Variants in SLC25A12 observed in about 807,000 individuals in gnomAD.
The protein encoded by SLC25A12 is electrogenic aspartate/glutamate antiporter SLC25A12, mitochondrial.
SLC25A12 carries 32 observed loss-of-function variants against 83.3 expected under a neutral mutation model. The ratio of observed to expected loss-of-function variants is 0.38; its 90% CI spans 0.29 to 0.52. The LOEUF (loss-of-function observed/expected upper bound fraction) is 0.52, where lower values mean the gene tolerates loss of function less well. Ranked by LOEUF, SLC25A12 falls within the 20% of genes least tolerant of loss-of-function variation. The probability of loss-of-function intolerance (pLI) is 0.84; values close to 1 mark genes in which losing one functional copy is unlikely to be tolerated. For synonymous variants in SLC25A12, 267 were observed against 291.1 expected, an observed-to-expected ratio of 0.92 and a Z score of 0.84; for missense variants, 611 against 835.6, an observed-to-expected ratio of 0.73 and a Z score of 3.31.
At chr2:171,841,198 G>T (rs890613053) in intron 5 of SLC25A12, among the ~76,000 whole-genome samples, 1 of 152,082 alleles carries the variant, frequency 6.6e-6, no homozygotes, top group African/African-American at 2.4e-5. Context: ...TCCTGCCTCA[G>T]CCTCCCAAGT....
intron 13 of SLC25A12, among the ~76,000 whole-genome samples, chr2:171,805,208 A>C (rs960459313): frequency 2.6e-5 from 4 of 151,870 alleles, no homozygotes; most frequent in Non-Finnish European, 5.9e-5. Flanking sequence ...TCCTGGGTTC[A>C]AGCGATTCTC....
intron 2 of SLC25A12, among the ~76,000 whole-genome samples, chr2:171,886,634 C>A (rs1344990822): frequency 5.3e-5 from 8 of 151,852 alleles, no homozygotes; most frequent in Admixed American, 5.3e-4. Flanking sequence ...CTCAGCCTCC[C>A]GAGTAGCTGG....
chr2:171,829,859 C>A (rs1684393119), intron 8 of SLC25A12, among the ~76,000 whole-genome samples: 1 of 152,152 alleles, frequency 6.6e-6, no homozygotes, highest in Non-Finnish European at 1.5e-5. Context: ...AGGGTAATTG[C>A]CCAGGCCCAG....
At chr2:171,885,901 A>G (rs535674096) in intron 2 of SLC25A12, among the ~76,000 whole-genome samples, 1 of 152,326 alleles carries the variant, frequency 6.6e-6, no homozygotes, top group East Asian at 1.9e-4. Context: ...TCACTTGCTC[A>G]AAGCTTAATA....
intron 4 of SLC25A12, chr2:171,848,064 C>T (rs2105898610): frequency 5.0e-6 from 2 of 396,216 alleles, no homozygotes; most frequent in Non-Finnish European, 1.0e-5. Context: ...GTTTTAATTT[C>T]CCCAGAAACC....
chr2:171,787,392 C>T lies in SLC25A12; in HGVS notation c.1835+179G>A, dbSNP rs181757036. 5.9e-5 allele frequency among the ~76,000 whole-genome samples: 9 copies of T among 152,336 alleles called. No individual in the cohort carries two copies. In the East Asian group the frequency reaches 1.7e-3, roughly 29 times the overall value. On this transcript the variant is annotated intron_variant, in intron 17 of 17. Coordinates refer to ENST00000422440, the MANE Select transcript of SLC25A12 (RefSeq NM_003705.5). The stretch of plus-strand genomic sequence containing the variant: ...GCTTAATATTATGTACGATGTCACT[C>T]TGTCAAGTTTTACTTGCTTAACACA...
intron 9 of SLC25A12, among the ~76,000 whole-genome samples, chr2:171,826,436 T>C (rs992867724): frequency 6.6e-6 from 1 of 152,060 alleles, no homozygotes; most frequent in South Asian, 2.1e-4. Flanking sequence ...GGCAAAACCT[T>C]GTCTCTACTA....
At chr2:171,838,309 C>T (rs1230759454) in intron 5 of SLC25A12, among the ~76,000 whole-genome samples, 1 of 152,114 alleles carries the variant, frequency 6.6e-6, no homozygotes, top group Non-Finnish European at 1.5e-5. Context: ...TTCCTATGGA[C>T]TTGTGATAAC....
chr2:171,817,172 A>T (rs1684070147), intron 9 of SLC25A12, among the ~76,000 whole-genome samples: 1 of 152,182 alleles, frequency 6.6e-6, no homozygotes, highest in Admixed American at 6.5e-5. Context: ...TGAGAAATAA[A>T]TGTTTGCTAT....
chr2:171,848,981 G>A (rs563950454), intron 4 of SLC25A12, among the ~76,000 whole-genome samples: 1 of 152,114 alleles, frequency 6.6e-6, no homozygotes, highest in Admixed American at 6.5e-5. Context: ...CCTGAGGTTA[G>A]AAGTTTGAGA....
intron 6 of SLC25A12, 40 bp from the exon 7 acceptor site, chr2:171,834,905 A>T: frequency 6.2e-7 from 1 of 1,600,746 alleles, no homozygotes; most frequent in Non-Finnish European, 8.5e-7. Context: ...AAACAAACAA[A>T]AACAAAAACA....
chr2:171,820,038 CAA>C (rs911207388), intron 9 of SLC25A12, among the ~76,000 whole-genome samples: 4 of 151,928 alleles, frequency 2.6e-5, no homozygotes, highest in African/African-American at 9.7e-5. Context: ...ATTATGAACA[CAA>C]AGAAGGAAAC....
chr2:171,854,404 T>C (rs748113494), intron 4 of SLC25A12, among the ~76,000 whole-genome samples: 14 of 151,976 alleles, frequency 9.2e-5, no homozygotes, highest in Non-Finnish European at 1.8e-4. Context: ...CCATCTCCAC[T>C]AAGAATACAA....
At chr2:171,836,701 T>C (rs989660335) in intron 6 of SLC25A12, among the ~76,000 whole-genome samples, 1 of 152,108 alleles carries the variant, frequency 6.6e-6, no homozygotes, top group African/African-American at 2.4e-5. Context: ...GGGAGCCCGG[T>C]GGTGTGGAAA....
chr2:171,798,805 A>G (rs1282679362), intron 13 of SLC25A12, among the ~76,000 whole-genome samples: 1 of 152,212 alleles, frequency 6.6e-6, no homozygotes, highest in East Asian at 1.9e-4. Flanking sequence ...GTTACAAATT[A>G]ACACTACATA....
intron 3 of SLC25A12, among the ~76,000 whole-genome samples, chr2:171,864,859 T>C (rs372754127): frequency 6.6e-6 from 1 of 152,212 alleles, no homozygotes; most frequent in African/African-American, 2.4e-5. Flanking sequence ...GTTTAGTCAT[T>C]TTCTTTCTCA....
rs754257699 is a variant in SLC25A12 at position 171,791,440 on chromosome 2, T to C, written c.1585+11A>G. ...GAGAATTCTTTCAGTTAAAAAAAAA[T>C]TTGTAGTTACCTGCCATGGCTCCAG... On this transcript the variant is annotated intron_variant, in intron 15 of 17. Coordinates refer to ENST00000422440, the MANE Select transcript of SLC25A12 (RefSeq NM_003705.5). The C allele has an allele frequency of 6.2e-7, 1 of 1,611,622 alleles. No individual in the cohort carries two copies. The highest frequency in any genetic ancestry group is 8.5e-7 in the Non-Finnish European group (1 of 1,177,796).
At chr2:171,813,079 C>T (rs1683980763) in intron 11 of SLC25A12, among the ~76,000 whole-genome samples, 1 of 151,874 alleles carries the variant, frequency 6.6e-6, no homozygotes, top group Non-Finnish European at 1.5e-5. Flanking sequence ...GACATAGACC[C>T]ATGTTGGGAC....
intron 13 of SLC25A12, among the ~76,000 whole-genome samples, chr2:171,805,690 T>A (rs1683810159): frequency 6.6e-6 from 1 of 152,244 alleles, no homozygotes; most frequent in South Asian, 2.1e-4. Context: ...TGATTCAAGC[T>A]ACATCAAAAG....
Sources: allele counts gnomAD v4.1 joint callset (sites outside exome capture counted in the v4.1 genomes callset), GRCh38; gene constraint gnomAD v4.1.1; transcripts MANE v1.5; gene names NCBI Gene and HGNC (gene_info 2026-07-23, HGNC 2026-07-21).